The following PCSK6 variants were observed in gnomAD, a reference collection of about 807,000 sequenced individuals.
PCSK6 encodes the protein proprotein convertase subtilisin/kexin type 6.
In PCSK6, 85 loss-of-function variants were observed where a neutral mutation model predicts 123.3. The ratio of observed to expected loss-of-function variants is 0.69; its 90% CI spans 0.58 to 0.83. PCSK6 has a LOEUF of 0.83. Ranked by LOEUF, PCSK6 falls within the 40% of genes least tolerant of loss-of-function variation. The pLI, the probability that PCSK6 is intolerant of heterozygous loss-of-function variation, is 0.00. For synonymous variants in PCSK6, 508 were observed against 516.0 expected (o/e 0.98, Z 0.21); for missense variants, 1,191 against 1,282.3 (o/e 0.93, Z 1.09).
At chr15:101,375,450 C>A (rs2041707633) in intron 11 of PCSK6, among the ~76,000 whole-genome samples, 1 of 152,212 alleles carries the variant, frequency 6.6e-6, no homozygotes, top group African/African-American at 2.4e-5. Flanking sequence ...ACTGAATTAG[C>A]TGGCTTTAAA....
At chr15:101,423,850 A>G (rs1266792590) in intron 6 of PCSK6, among the ~76,000 whole-genome samples, 1 of 152,232 alleles carries the variant, frequency 6.6e-6, no homozygotes, top group African/African-American at 2.4e-5. Context: ...CCAAGATGGA[A>G]TTAATACGAA....
At chr15:101,399,397 G>A (rs1022217476) in intron 6 of PCSK6, among the ~76,000 whole-genome samples, 6 of 152,132 alleles carry the variant, frequency 3.9e-5, no homozygotes, top group African/African-American at 7.2e-5. Context: ...CTTGGACTTC[G>A]CTGGCCAGCT....
chr15:101,340,500 A>G (rs1183307414), intron 13 of PCSK6, among the ~76,000 whole-genome samples: 1 of 152,270 alleles, frequency 6.6e-6, no homozygotes, highest in Non-Finnish European at 1.5e-5. Flanking sequence ...AAATGTCTGG[A>G]AAGTCAAAAA....
At chr15:101,394,418 G>A (rs1025272652) in intron 7 of PCSK6, among the ~76,000 whole-genome samples, 211 of 152,268 alleles carry the variant, frequency 1.4e-3, no homozygotes, top group African/African-American at 4.8e-3. Flanking sequence ...AATCATTCCA[G>A]CCACAAGTAC....
Position 101,489,442 on chromosome 15 carries a change from G to C in PCSK6, c.229C>G (p.Gln77Glu), listed in dbSNP as rs1414103326. 7 of 1,246,912 alleles carry C rather than the reference G, an allele frequency of 5.6e-6. No individual in the cohort carries two copies. The highest frequency in any genetic ancestry group is 5.1e-6 in the Non-Finnish European group (5 of 983,928). 77.2% of individuals were successfully genotyped at this position (1,246,912 alleles called of 1,614,324 possible). A position where few individuals can be genotyped will look rare whatever the true frequency, so the allele number is the denominator to read the frequency against. ...RPVYTNHWAV[Q>E]VLGGPAEADR... The stretch of plus-strand genomic sequence containing the variant: ...GCCTCGGCCGGGCCGCCCAGCACTT[G>C]CACCGCCCAGTGGTTGGTGTAGACG... The change falls in exon 1 of 22, where the codon CAA (glutamine) becomes GAA (glutamate). Residue 77 changes from glutamine (Q) to glutamate (E), a missense_variant. Physicochemically the swap from Gln to Glu is conservative, Grantham distance 29. Around this residue, in one of 3 missense-constraint regions of PCSK6, gnomAD observed 204 missense variants for 166.4 expected, o/e 1.23. Transcript: ENST00000611716.
At chr15:101,379,101 G>A (rs915176246) in intron 11 of PCSK6, among the ~76,000 whole-genome samples, 2 of 152,238 alleles carry the variant, frequency 1.3e-5, no homozygotes, top group African/African-American at 2.4e-5. Context: ...GCAGTCATTC[G>A]GGGCCCTGGA....
intron 17 of PCSK6, 120 bp from the exon 18 acceptor site, chr15:101,322,727 C>T: frequency 1.5e-6 from 1 of 664,980 alleles, no homozygotes; most frequent in Non-Finnish European, 2.7e-6. Flanking sequence ...CCCGAGTCCA[C>T]CTCCGGAATG....
intron 15 of PCSK6, among the ~76,000 whole-genome samples, chr15:101,330,063 C>T (rs1421037795): frequency 1.3e-5 from 2 of 152,218 alleles, no homozygotes; most frequent in East Asian, 1.9e-4. Context: ...GTGGCCTCCA[C>T]CTGCACTTTG....
intron 19 of PCSK6, among the ~76,000 whole-genome samples, chr15:101,316,584 C>T (rs1197330974): frequency 2.6e-5 from 4 of 152,204 alleles, no homozygotes; most frequent in Non-Finnish European, 4.4e-5. Context: ...GACAAAAAGG[C>T]GACAGGCAAA....
At chr15:101,384,271 C>A in intron 10 of PCSK6, 51 bp downstream of exon 10, 1 of 1,598,042 alleles carries the variant, frequency 6.3e-7, no homozygotes, top group South Asian at 1.1e-5. Context: ...GACACCCCTT[C>A]CTACACATTC....
At chr15:101,351,930 G>A (rs1385531733) in intron 13 of PCSK6, among the ~76,000 whole-genome samples, 2 of 152,102 alleles carry the variant, frequency 1.3e-5, no homozygotes, top group Non-Finnish European at 2.9e-5. Flanking sequence ...TCAGAACACA[G>A]CACGGCCTCT....
At position 101,361,188 on chromosome 15, in the gene PCSK6, T is replaced by G. The variant is rs2041211900; in HGVS notation, c.1858+5008A>C. On this transcript the variant is annotated intron_variant, in intron 13 of 21. Coordinates refer to ENST00000611716, the MANE Select transcript of PCSK6 (RefSeq NM_002570.5). ...TCTTTTTTTTTTTTTTTTGGCATAT[T>G]GATCAATTTCTCTTCACTCTTATTT... 2.0e-5 allele frequency among the ~76,000 whole-genome samples: 3 copies of G among 151,218 alleles called. No homozygotes were observed. In the South Asian group the frequency reaches 6.3e-4, roughly 32 times the overall value.
intron 13 of PCSK6, among the ~76,000 whole-genome samples, chr15:101,342,683 T>C (rs2040642890): frequency 6.6e-6 from 1 of 152,106 alleles, no homozygotes; most frequent in African/African-American, 2.4e-5. Flanking sequence ...GGGTGGATCA[T>C]CTGAGGTTGG....
At chr15:101,364,824 T>C (rs990894233) in intron 13 of PCSK6, 6 of 531,382 alleles carry the variant, frequency 1.1e-5, no homozygotes, top group African/African-American at 7.4e-5. Context: ...TCACATGGAA[T>C]TACACGGGAC....
chr15:101,423,898 G>A (rs774247786), intron 6 of PCSK6, among the ~76,000 whole-genome samples: 1 of 152,182 alleles, frequency 6.6e-6, no homozygotes, highest in Non-Finnish European at 1.5e-5. Flanking sequence ...CACAGGCAAA[G>A]CACAGATATT....
chr15:101,429,675 G>T (rs934887217), intron 5 of PCSK6, among the ~76,000 whole-genome samples: 1 of 152,216 alleles, frequency 6.6e-6, no homozygotes, highest in African/African-American at 2.4e-5. Context: ...TCATGGAGAC[G>T]GTTAGACTTA....
chr15:101,325,131 G>A (rs576074742), intron 16 of PCSK6, 85 bp from the exon 17 acceptor site: 25 of 944,380 alleles, frequency 2.6e-5, no homozygotes, highest in South Asian at 1.5e-4. Context: ...CTGAGGAAAC[G>A]AAGGCTTCAG....
chr15:101,442,979 C>T (rs2056794694), intron 2 of PCSK6, among the ~76,000 whole-genome samples: 1 of 152,198 alleles, frequency 6.6e-6, no homozygotes, highest in East Asian at 1.9e-4. Flanking sequence ...ACTTGGCCAT[C>T]TTAAATTTTT....
rs867573223 is a variant in PCSK6 at position 101,489,165 on chromosome 15, C to G, written c.297+209G>C. ...CGCCCACGCGGGACCCCAGTCCCCC[C>G]CACCCCGCCGAGTGTCCCGCGCGCG... On this transcript the variant is annotated intron_variant, in intron 1 of 21. Transcript: ENST00000611716. 2.7e-4 allele frequency among the ~76,000 whole-genome samples: 25 copies of G among 91,206 alleles called. 1 individual carries two copies. Among genetic ancestry groups the G allele is most frequent in the African/African-American group, 8.6e-4 (22 of 25,710 alleles). 59.8% of individuals were successfully genotyped at this position (91,206 alleles called of 152,430 possible).
Sources: gnomAD v4.1 joint callset for allele counts (sites outside exome capture counted in the v4.1 genomes callset) on GRCh38, gnomAD v4.1.1 for gene constraint, gnomAD v4.1.1 regional missense constraint, MANE v1.5 for transcripts, NCBI Gene and HGNC (gene_info 2026-07-23, HGNC 2026-07-21) for gene names.